Variants in RPS6KC1 observed in about 807,000 individuals in gnomAD.
RPS6KC1 encodes inactive ribosomal protein S6 kinase delta-1.
In RPS6KC1, 54 loss-of-function variants were observed where a neutral mutation model predicts 103.8. That is an observed-to-expected ratio of 0.52 (90% confidence interval 0.42 to 0.65). The LOEUF is 0.65. Ranked by LOEUF, RPS6KC1 falls within the 30% of genes least tolerant of loss-of-function variation. The pLI is 0.00. For missense variants in RPS6KC1, 1,151 were observed against 1,253.8 expected (o/e 0.92, Z 1.24); for synonymous variants, 439 against 438.7 (o/e 1.00, Z -0.01).
the RPS6KC1 span, among the ~76,000 whole-genome samples, chr1:213,308,373 A>G: frequency 6.6e-6 from 1 of 151,972 alleles, no homozygotes; most frequent in Non-Finnish European, 1.5e-5. Flanking sequence ...CTAAAGAAAA[A>G]TGGGAAATAC....
At chr1:213,490,920 C>G in the RPS6KC1 span, among the ~76,000 whole-genome samples, 1 of 152,154 alleles carries the variant, frequency 6.6e-6, no homozygotes, top group African/African-American at 2.4e-5. Flanking sequence ...GACTTTTCAG[C>G]TGGACTTTCT....
At chr1:213,303,680 A>T in the RPS6KC1 span, among the ~76,000 whole-genome samples, 1 of 152,180 alleles carries the variant, frequency 6.6e-6, no homozygotes, top group Non-Finnish European at 1.5e-5. Context: ...TTATTTCAAG[A>T]ATCCCCTGTG....
chr1:213,812,917 A>T, the RPS6KC1 span, among the ~76,000 whole-genome samples: 1 of 152,114 alleles, frequency 6.6e-6, no homozygotes, highest in African/African-American at 2.4e-5. Flanking sequence ...AAGAAAACTG[A>T]CATGAAGAGA....
At chr1:213,113,963 C>G (rs1188951564) in intron 4 of RPS6KC1, among the ~76,000 whole-genome samples, 36 of 150,284 alleles carry the variant, frequency 2.4e-4, no homozygotes, top group East Asian at 3.9e-4. Context: ...GTTACTGTAG[C>G]CTTGTAGTAT....
the RPS6KC1 span, among the ~76,000 whole-genome samples, chr1:213,602,028 C>CTTTCTT: frequency 2.9e-3 from 35 of 11,900 alleles, 7 homozygotes; most frequent in African/African-American, 7.1e-3. Flanking sequence ...TTCTTTCTTT[C>CTTTCTT]TCTTTCTCTT....
chr1:213,133,276 C>T (rs1039425743), intron 6 of RPS6KC1, among the ~76,000 whole-genome samples: 1 of 152,080 alleles, frequency 6.6e-6, no homozygotes, highest in Non-Finnish European at 1.5e-5. Flanking sequence ...CTGAAAGTGG[C>T]GGATATGATT....
chr1:213,819,315 T>A, the RPS6KC1 span: 1 of 152,228 alleles, frequency 6.6e-6, no homozygotes, highest in Non-Finnish European at 1.5e-5. Context: ...TGAAATTATA[T>A]AGTGCGTTTA....
chr1:213,194,537 C>A (rs1180807193), intron 8 of RPS6KC1, among the ~76,000 whole-genome samples: 2 of 152,178 alleles, frequency 1.3e-5, no homozygotes, highest in Admixed American at 6.5e-5. Context: ...GGTCCCCCAT[C>A]CCTGGGCCAC....
chr1:213,112,461 T>C (rs2148845082), intron 4 of RPS6KC1, among the ~76,000 whole-genome samples: 1 of 152,054 alleles, frequency 6.6e-6, no homozygotes, highest in East Asian at 1.9e-4. Context: ...ATATTTATTT[T>C]TTATATCTTT....
chr1:213,388,993 G>A, the RPS6KC1 span, among the ~76,000 whole-genome samples: 1 of 152,218 alleles, frequency 6.6e-6, no homozygotes, highest in African/African-American at 2.4e-5. Context: ...TTTTCATAGA[G>A]AGGGGGTTTG....
the RPS6KC1 span, among the ~76,000 whole-genome samples, chr1:213,531,723 G>T: frequency 1.5e-4 from 23 of 152,214 alleles, no homozygotes; most frequent in Non-Finnish European, 3.1e-4. Flanking sequence ...CCTAAACTCA[G>T]CATGGCCTTC....
intron 8 of RPS6KC1, among the ~76,000 whole-genome samples, chr1:213,220,718 A>C (rs1273914629): frequency 6.6e-6 from 1 of 152,236 alleles, no homozygotes; most frequent in East Asian, 1.9e-4. Flanking sequence ...AACTACATTT[A>C]AAATACATTT....
the RPS6KC1 span, among the ~76,000 whole-genome samples, chr1:213,379,402 G>C: frequency 6.6e-6 from 1 of 152,168 alleles, no homozygotes; most frequent in Non-Finnish European, 1.5e-5. Flanking sequence ...GCCATGTGAA[G>C]ATGAAAGCAG....
chr1:213,452,838 G>A, the RPS6KC1 span, among the ~76,000 whole-genome samples: 1 of 152,178 alleles, frequency 6.6e-6, no homozygotes, highest in Non-Finnish European at 1.5e-5. Flanking sequence ...GCATGAGTGA[G>A]GGCTAATCCA....
the RPS6KC1 span, among the ~76,000 whole-genome samples, chr1:213,517,535 A>G: frequency 6.6e-6 from 1 of 152,136 alleles, no homozygotes; most frequent in Admixed American, 6.5e-5. Context: ...GTAGTTGAGC[A>G]GTTTTGAGTG....
chr1:213,281,727 T>G, the RPS6KC1 span, among the ~76,000 whole-genome samples: 5 of 152,166 alleles, frequency 3.3e-5, no homozygotes, highest in Non-Finnish European at 7.3e-5. Flanking sequence ...TGGGCTATCA[T>G]GGTTTGAGGG....
the RPS6KC1 span, among the ~76,000 whole-genome samples, chr1:213,740,377 A>G: frequency 4.6e-5 from 7 of 152,198 alleles, no homozygotes; most frequent in Non-Finnish European, 1.0e-4. Flanking sequence ...GAAAATCCCA[A>G]GAAAAATATT....
At position 213,241,608 on chromosome 1, in the gene RPS6KC1, C is replaced by G. The variant is rs754865122; in HGVS notation, c.2132C>G (p.Thr711Ser). 1.2e-6 allele frequency: 2 copies of G among 1,613,890 alleles called. No homozygotes were observed. The highest frequency in any genetic ancestry group is 1.1e-5 in the South Asian group (1 of 91,070). Reference sequence around the variant, plus strand: ...AGAGAAGCTGCAGCAATGGGACCTACTAAGTTTACACAAACTAATATAGGG... The same window carrying G: ...AGAGAAGCTGCAGCAATGGGACCTAGTAAGTTTACACAAACTAATATAGGG... ...STREAAAMGP[T>S]KFTQTNIGII... The change falls in exon 11 of 15, where the codon ACT becomes AGT. Residue 711 changes from threonine (T) to serine (S), a missense_variant. By Grantham distance (58) the Thr-to-Ser change is moderately conservative (BLOSUM62 1). This residue lies in a region of RPS6KC1 where 959 missense variants were observed against 1,006.3 expected (regional missense o/e 0.95). Transcript: ENST00000366960.
the RPS6KC1 span, among the ~76,000 whole-genome samples, chr1:213,619,356 TCTC>T: frequency 0.019 from 2,950 of 152,230 alleles, 46 homozygotes; most frequent in Non-Finnish European, 0.026. Context: ...ACAGCAGACT[TCTC>T]CTTACATTTC....
Sources: allele counts gnomAD v4.1 joint callset (sites outside exome capture counted in the v4.1 genomes callset), GRCh38; gene constraint gnomAD v4.1.1; regional missense constraint gnomAD v4.1.1; transcripts MANE v1.5; gene names NCBI Gene and HGNC (gene_info 2026-07-23, HGNC 2026-07-21).